NHSL1: variants seen among roughly 807,000 people sequenced by gnomAD.
The protein encoded by NHSL1 is NHS-like protein 1.
Under a neutral mutation model 95.0 loss-of-function variants are expected in NHSL1, and 48 were observed. The ratio of observed to expected loss-of-function variants is 0.51; its 90% CI spans 0.40 to 0.64. The LOEUF (loss-of-function observed/expected upper bound fraction) is 0.64. NHSL1 is among the 30% of genes least tolerant of loss of function. The probability of loss-of-function intolerance (pLI) is 0.00; values close to 1 mark genes in which losing one functional copy is unlikely to be tolerated. For synonymous variants in NHSL1, 783 were observed against 833.9 expected, an observed-to-expected ratio of 0.94 and a Z score of 1.05; for missense variants, 1,971 against 2,077.7, an observed-to-expected ratio of 0.95 and a Z score of 1.00.
chr6:138,611,864 C>G lies in NHSL1; in HGVS notation c.96+80612G>C, dbSNP rs141866165. ...GTGTTTCATGCCTGTAATCCCAGCA[C>G]TTTGCGAGGCCAAAGCAGGTGGGTC... On this transcript the variant is annotated intron_variant, in intron 1 of 3. Coordinates refer to the NHSL1 transcript ENST00000491526. Among the ~76,000 whole-genome samples the G allele has an allele frequency of 4.2e-3, 643 of 152,268 alleles. 10 individuals carry two copies. The highest frequency in any genetic ancestry group is 0.015 in the African/African-American group (604 of 41,562).
intron 1 of NHSL1, among the ~76,000 whole-genome samples, chr6:138,681,506 T>C (rs1253680246): frequency 6.6e-6 from 1 of 152,212 alleles, no homozygotes. Context: ...GGAGTCAGGC[T>C]GCCTGGAGCT....
chr6:138,532,949 A>C (rs1238705759), intron 1 of NHSL1, among the ~76,000 whole-genome samples: 2 of 152,236 alleles, frequency 1.3e-5, no homozygotes, highest in Non-Finnish European at 2.9e-5. Flanking sequence ...TAACCATAAC[A>C]GTTCACAGAA....
chr6:138,674,444 G>A (rs941378811), intron 1 of NHSL1, among the ~76,000 whole-genome samples: 1 of 152,046 alleles, frequency 6.6e-6, no homozygotes, highest in African/African-American at 2.4e-5. Context: ...GCATGCATTA[G>A]CTGTTTTTCC....
rs1434351148 is a variant in NHSL1 at position 138,437,337 on chromosome 6, TATATACAC to T, written c.665-3665_665-3658del. 3.9e-4 allele frequency among the ~76,000 whole-genome samples: 18 copies of T among 46,308 alleles called. 1 individual carries two copies. The highest frequency in any genetic ancestry group is 1.6e-3 in the African/African-American group (16 of 10,098). The allele number at this position is 46,308 out of a possible 152,430, so 30.4% of individuals were successfully genotyped here. Reference sequence around the variant, plus strand: ...ATATATATACACACACACATATATATATATACACATATATATATACACATATATATATA... The same window carrying T: ...ATATATATACACACACACATATATATATATATATATACACATATATATATA... On this transcript the variant is annotated intron_variant, in intron 5 of 7. Coordinates refer to ENST00000343505, the MANE Select transcript of NHSL1 (RefSeq NM_001144060.2).
intron 1 of NHSL1, among the ~76,000 whole-genome samples, chr6:138,596,718 G>T (rs938356951): frequency 2.0e-5 from 3 of 151,876 alleles, no homozygotes; most frequent in African/African-American, 7.3e-5. Context: ...ACCAAGCTTG[G>T]TAAGTTTTTT....
At chr6:138,591,941 G>C (rs554715530) in intron 1 of NHSL1, among the ~76,000 whole-genome samples, 2 of 152,182 alleles carry the variant, frequency 1.3e-5, no homozygotes, top group South Asian at 2.1e-4. Context: ...AGGATCCATG[G>C]TTTCAGGCAT....
chr6:138,640,533 T>A lies in NHSL1; in HGVS notation c.96+51943A>T, dbSNP rs528868299. ...AATATGATAAAGATGAAAAGCTTTATGATGATCCACTTCCACTAATGAATA... is the reference window on the plus strand; with the variant it reads ...AATATGATAAAGATGAAAAGCTTTAAGATGATCCACTTCCACTAATGAATA... On this transcript the variant is annotated intron_variant, in intron 1 of 3. Transcript: ENST00000491526. 9.2e-5 allele frequency among the ~76,000 whole-genome samples: 14 copies of A among 152,354 alleles called. No individual in the cohort carries two copies. In the South Asian group the frequency reaches 2.9e-3, roughly 32 times the overall value.
intron 1 of NHSL1, among the ~76,000 whole-genome samples, chr6:138,524,142 C>T (rs1781805605): frequency 6.6e-6 from 1 of 152,204 alleles, no homozygotes; most frequent in Non-Finnish European, 1.5e-5. Flanking sequence ...CTATTTACCT[C>T]TGAAGAATGA....
intron 3 of NHSL1, among the ~76,000 whole-genome samples, chr6:138,465,479 T>C (rs1396126006): frequency 3.9e-5 from 6 of 152,296 alleles, no homozygotes; most frequent in Admixed American, 3.9e-4. Context: ...ACAACTATTC[T>C]TCTTACATAC....
At position 138,431,109 on chromosome 6, in the gene NHSL1, C is replaced by T; in HGVS notation, c.3236G>A (p.Arg1079Lys). Residue 1079 changes from arginine (R) to lysine (K), a missense_variant, in exon 6 of 8, where the codon AGG becomes AAG. Transcript: ENST00000343505. This position sits in a 1 kb window ranked among gnomAD's most constrained non-coding sequence, Gnocchi z 4.0. ...TTEALQMVQL[R>K]PVRKNSGAEA... Reference sequence around the variant, plus strand: ...AGCGCCTGAGTTCTTTCTCACGGGCCTCAACTGCACCATCTGCAATGCTTC... The same window carrying T: ...AGCGCCTGAGTTCTTTCTCACGGGCTTCAACTGCACCATCTGCAATGCTTC... 1 of 1,551,824 alleles carries T rather than the reference C, an allele frequency of 6.4e-7. No homozygotes were observed. Among genetic ancestry groups the T allele is most frequent in the Non-Finnish European group, 8.7e-7 (1 of 1,147,028 alleles).
chr6:138,554,076 T>C (rs1341604965), intron 1 of NHSL1, among the ~76,000 whole-genome samples: 1 of 152,212 alleles, frequency 6.6e-6, no homozygotes, highest in East Asian at 1.9e-4. Flanking sequence ...CTTAGTAAAC[T>C]TATAAGGAAC....
At chr6:138,498,269 GT>G (rs1426494868) in intron 1 of NHSL1, among the ~76,000 whole-genome samples, 1 of 152,184 alleles carries the variant, frequency 6.6e-6, no homozygotes, top group African/African-American at 2.4e-5. Flanking sequence ...TCAAATCCAA[GT>G]AATGGCATTC....
At position 138,431,645 on chromosome 6, in the gene NHSL1, T is replaced by A; in HGVS notation, c.2700A>T (p.Ser900=). The change falls in exon 6 of 8, where the codon TCA becomes TCT. Residue 900 remains serine, a synonymous_variant. Coordinates refer to ENST00000343505, the MANE Select transcript of NHSL1 (RefSeq NM_001144060.2). The surrounding 1 kb of genome is among the most constrained non-coding windows in gnomAD (Gnocchi z 4.0). Reference sequence around the variant, plus strand: ...TACTAGAAGAAAGAGAAGTGGACGATGAGGAAATGGATACTGAAGATATCA... The same window carrying A: ...TACTAGAAGAAAGAGAAGTGGACGAAGAGGAAATGGATACTGAAGATATCA... ...SSLISSVSIS[S]SSTSLSSSTS... 2 of 1,551,472 alleles carry A rather than the reference T, an allele frequency of 1.3e-6. No homozygotes were observed. The highest frequency in any genetic ancestry group is 1.7e-6 in the Non-Finnish European group (2 of 1,146,766).
chr6:138,559,108 A>G lies in NHSL1; in HGVS notation c.202+12602T>C, dbSNP rs11964519. Among the ~76,000 whole-genome samples the G allele has an allele frequency of 5.1e-3, 770 of 152,338 alleles. 9 individuals carry two copies. The highest frequency in any genetic ancestry group is 0.018 in the African/African-American group (730 of 41,578). On this transcript the variant is annotated intron_variant, in intron 1 of 6. Coordinates refer to the NHSL1 transcript ENST00000427025. ...AACATTGCTTTTGTTTTCCAGTTCC[A>G]ACATAGGATCTCTGCTACATACAGG...
chr6:138,530,374 C>T (rs1782083133), intron 1 of NHSL1, among the ~76,000 whole-genome samples: 1 of 152,120 alleles, frequency 6.6e-6, no homozygotes, highest in Non-Finnish European at 1.5e-5. Flanking sequence ...ATGGAGATTC[C>T]TTAAAGAACT....
At chr6:138,464,042 A>T (rs1157226728) in intron 3 of NHSL1, 9 of 389,096 alleles carry the variant, frequency 2.3e-5, no homozygotes, top group Non-Finnish European at 3.4e-5. Flanking sequence ...GACTGAATAA[A>T]TATTTACTCA....
At chr6:138,634,098 A>T (rs1784857207) in intron 1 of NHSL1, among the ~76,000 whole-genome samples, 3 of 152,214 alleles carry the variant, frequency 2.0e-5, no homozygotes. Flanking sequence ...GAAACTAATC[A>T]TATCGCCAGA....
intron 2 of NHSL1, among the ~76,000 whole-genome samples, chr6:138,481,521 C>A (rs926241273): frequency 2.0e-5 from 3 of 152,116 alleles, no homozygotes; most frequent in Non-Finnish European, 2.9e-5. Context: ...AATAGATGTT[C>A]AAACATTTAA....
At chr6:138,511,892 A>G (rs1781249445) in intron 1 of NHSL1, among the ~76,000 whole-genome samples, 2 of 152,194 alleles carry the variant, frequency 1.3e-5, no homozygotes, top group African/African-American at 4.8e-5. Context: ...TGGGCAATAG[A>G]GCGAGATCCT....
Sources: allele counts gnomAD v4.1 joint callset (sites outside exome capture counted in the v4.1 genomes callset), GRCh38; gene constraint gnomAD v4.1.1; non-coding constraint Gnocchi (gnomAD v3.1); transcripts MANE v1.5; gene names NCBI Gene and HGNC (gene_info 2026-07-23, HGNC 2026-07-21).